The following ACACA variants were observed in gnomAD, a reference collection of about 807,000 sequenced individuals.
ACACA encodes the protein acetyl-CoA carboxylase 1.
Under a neutral mutation model 296.1 loss-of-function variants are expected in ACACA, and 103 were observed. The observed-to-expected ratio is 0.35, with a 90% CI of 0.30 to 0.41. The LOEUF is 0.41. Among genes scored for constraint, ACACA ranks in the 10% least tolerant of loss-of-function variants. ACACA has a pLI of 1.00. For synonymous variants in ACACA, 953 were observed against 1,038.6 expected (o/e 0.92, Z 1.58); for missense variants, 1,554 against 2,989.7 (o/e 0.52, Z 11.20).
At chr17:37,182,550 G>C (rs781324868) in intron 39 of ACACA, among the ~76,000 whole-genome samples, 3 of 152,054 alleles carry the variant, frequency 2.0e-5, no homozygotes, top group African/African-American at 7.2e-5. Context: ...ATTTATAAAG[G>C]ATGCCATTAT....
At chr17:37,180,800 G>A (rs1472396697) in intron 40 of ACACA, among the ~76,000 whole-genome samples, 1 of 152,062 alleles carries the variant, frequency 6.6e-6, no homozygotes, top group Non-Finnish European at 1.5e-5. Context: ...TTAATCTAGG[G>A]TATCAACTAG....
At chr17:37,388,918 C>T (rs2050669860) in intron 1 of ACACA, 1 of 1,259,470 alleles carries the variant, frequency 7.9e-7, no homozygotes, top group Non-Finnish European at 1.1e-6. Flanking sequence ...GCCACTCACA[C>T]TCACTAGCTG....
intron 25 of ACACA, among the ~76,000 whole-genome samples, chr17:37,234,361 C>T (rs2145844019): frequency 6.6e-6 from 1 of 152,308 alleles, no homozygotes; most frequent in East Asian, 1.9e-4. Flanking sequence ...GCTGAATGCA[C>T]ATTAGCTCTC....
intron 3 of ACACA, among the ~76,000 whole-genome samples, chr17:37,309,790 A>C (rs1165552295): frequency 6.6e-6 from 1 of 152,058 alleles, no homozygotes; most frequent in Non-Finnish European, 1.5e-5. Context: ...GGTGGCTTAC[A>C]CCTGTAATCC....
chr17:37,266,309 G>A (rs1158795962), intron 10 of ACACA, among the ~76,000 whole-genome samples: 1 of 151,950 alleles, frequency 6.6e-6, no homozygotes, highest in Non-Finnish European at 1.5e-5. Context: ...AACTACTCGG[G>A]AGGCTGAGAC....
chr17:37,328,552 G>C (rs941264631), intron 3 of ACACA: 4 of 217,168 alleles, frequency 1.8e-5, no homozygotes, highest in Non-Finnish European at 3.6e-5. Context: ...CCTCTACATA[G>C]CTAAATGAGG....
intron 1 of ACACA, among the ~76,000 whole-genome samples, chr17:37,398,281 C>CTTTTTTT (rs777127866): frequency 6.3e-5 from 5 of 79,178 alleles, no homozygotes; most frequent in African/African-American, 1.0e-4. Context: ...TGTGGTATCA[C>CTTTTTTT]TTTTTTTTTT....
chr17:37,282,310 T>C (rs1052071501), intron 5 of ACACA, among the ~76,000 whole-genome samples: 1 of 152,220 alleles, frequency 6.6e-6, no homozygotes, highest in Non-Finnish European at 1.5e-5. Flanking sequence ...GTAAGTGTCC[T>C]GAGGCCTCCC....
At position 37,301,501 on chromosome 17, in the gene ACACA, C is replaced by G. The variant is rs997478982; in HGVS notation, c.339-16531G>C. 5.6e-6 allele frequency: 3 copies of G among 532,330 alleles called. No homozygotes were observed. The African/African-American group carries it at 6.2e-5, about 11-fold the overall frequency. The allele number at this position is 532,330 out of a possible 1,614,324, so 33.0% of individuals were successfully genotyped here. On this transcript the variant is annotated intron_variant, in intron 3 of 55. Coordinates refer to ENST00000616317, the MANE Select transcript of ACACA (RefSeq NM_198834.3). ...TGCATTCGCTAGCTTGACTGCAACA[C>G]AGTCTGAGTTATACTGCAGCACACA...
At chr17:37,153,919 G>C (rs1364381448) in intron 43 of ACACA, among the ~76,000 whole-genome samples, 1 of 152,148 alleles carries the variant, frequency 6.6e-6, no homozygotes, top group African/African-American at 2.4e-5. Context: ...TTTGGGGAAA[G>C]TTAGTATTAT....
chr17:37,131,118 CCCT>C (rs1000531658), intron 45 of ACACA, among the ~76,000 whole-genome samples: 2 of 151,916 alleles, frequency 1.3e-5, no homozygotes, highest in African/African-American at 4.8e-5. Context: ...AGCATGCTTC[CCCT>C]CCTCCTTCCC....
At chr17:37,359,561 T>G (rs2049320040) in intron 1 of ACACA, among the ~76,000 whole-genome samples, 1 of 152,142 alleles carries the variant, frequency 6.6e-6, no homozygotes, top group South Asian at 2.1e-4. Flanking sequence ...CGGTCCCGCA[T>G]GCGCCTCGCA....
At chr17:37,364,439 C>T (rs1024873703) in intron 1 of ACACA, among the ~76,000 whole-genome samples, 1 of 151,500 alleles carries the variant, frequency 6.6e-6, no homozygotes, top group African/African-American at 2.4e-5. Flanking sequence ...AGTAAAAGTA[C>T]AAAAATCAGC....
intron 25 of ACACA, among the ~76,000 whole-genome samples, chr17:37,230,216 C>T (rs2079791850): frequency 6.6e-6 from 1 of 151,726 alleles, no homozygotes; most frequent in African/African-American, 2.4e-5. Context: ...GAAACCCCGT[C>T]TCTACTAAAA....
At chr17:37,309,421 T>C (rs563182863) in intron 3 of ACACA, among the ~76,000 whole-genome samples, 29 of 152,190 alleles carry the variant, frequency 1.9e-4, no homozygotes, top group African/African-American at 6.5e-4. Context: ...CATGTTACAG[T>C]ATAATGGAGA....
chr17:37,260,482 T>C (rs976399216), intron 11 of ACACA, among the ~76,000 whole-genome samples: 1 of 150,488 alleles, frequency 6.6e-6, no homozygotes, highest in East Asian at 2.0e-4. Context: ...TTTTATATCT[T>C]TAGTAGAGAT....
At chr17:37,380,841 C>T (rs537886745) in intron 1 of ACACA, among the ~76,000 whole-genome samples, 7 of 152,130 alleles carry the variant, frequency 4.6e-5, no homozygotes, top group African/African-American at 1.7e-4. Context: ...AAGTATCTGC[C>T]CGCCTTGGCC....
At chr17:37,126,489 C>T (rs2074792136) in intron 47 of ACACA, among the ~76,000 whole-genome samples, 1 of 151,816 alleles carries the variant, frequency 6.6e-6, no homozygotes, top group African/African-American at 2.4e-5. Context: ...CCAAAATTTT[C>T]AACATGTTAG....
At chr17:37,284,676 T>C (rs1200116908) in intron 4 of ACACA, among the ~76,000 whole-genome samples, 162 bp downstream of exon 4, 1 of 152,222 alleles carries the variant, frequency 6.6e-6, no homozygotes. Flanking sequence ...AGTGAAATTA[T>C]ATTAATAGGA....
Sources: gnomAD v4.1 joint callset for allele counts (sites outside exome capture counted in the v4.1 genomes callset) on GRCh38, gnomAD v4.1.1 for gene constraint, MANE v1.5 for transcripts, NCBI Gene and HGNC (gene_info 2026-07-23, HGNC 2026-07-21) for gene names.